The following ELMO1 variants were observed in gnomAD, a reference collection of about 807,000 sequenced individuals.
ELMO1 encodes the protein engulfment and cell motility protein 1.
Under a neutral mutation model 98.9 loss-of-function variants are expected in ELMO1, and 26 were observed. The observed-to-expected ratio is 0.26, with a 90% CI of 0.19 to 0.36. The LOEUF is 0.36. Ranked by LOEUF, ELMO1 falls within the 10% of genes least tolerant of loss-of-function variation. The probability of loss-of-function intolerance (pLI) is 1.00; values close to 1 mark genes in which losing one functional copy is unlikely to be tolerated. For synonymous variants in ELMO1, 346 were observed against 346.0 expected (o/e 1.00, Z 0.00); for missense variants, 627 against 935.2 (o/e 0.67, Z 4.30).
At chr7:36,918,660 C>T (rs1013686801) in intron 16 of ELMO1, among the ~76,000 whole-genome samples, 9 of 152,164 alleles carry the variant, frequency 5.9e-5, no homozygotes, top group Admixed American at 2.6e-4. Context: ...TCTGTCTGTC[C>T]GCTGTGCTCT....
chr7:37,174,791 C>G (rs758162824), intron 13 of ELMO1, among the ~76,000 whole-genome samples: 1 of 152,132 alleles, frequency 6.6e-6, no homozygotes, highest in African/African-American at 2.4e-5. Context: ...ACCCAGCTGT[C>G]CCACAATATA....
At chr7:37,076,759 G>T (rs1016827405) in intron 15 of ELMO1, among the ~76,000 whole-genome samples, 6 of 152,208 alleles carry the variant, frequency 3.9e-5, no homozygotes, top group African/African-American at 7.2e-5. Flanking sequence ...CCGACTGCCA[G>T]TGATGGTATC....
chr7:37,444,846 C>T (rs1205313322), intron 1 of ELMO1, among the ~76,000 whole-genome samples: 2 of 152,210 alleles, frequency 1.3e-5, no homozygotes, highest in African/African-American at 2.4e-5. Context: ...AAGTCAATAG[C>T]CGACAGAACT....
At chr7:36,895,860 G>A (rs986838646) in intron 16 of ELMO1, among the ~76,000 whole-genome samples, 9 of 152,180 alleles carry the variant, frequency 5.9e-5, no homozygotes, top group Non-Finnish European at 4.4e-5. Context: ...GTATCTATGT[G>A]CCAGATGCTG....
intron 16 of ELMO1, among the ~76,000 whole-genome samples, chr7:36,980,649 G>C (rs1173435072): frequency 1.3e-5 from 2 of 152,174 alleles, no homozygotes; most frequent in Admixed American, 6.5e-5. Context: ...AAATGAGCTA[G>C]CAAATTAGTA....
chr7:37,376,346 C>T (rs1054395279), intron 1 of ELMO1, among the ~76,000 whole-genome samples: 2 of 152,174 alleles, frequency 1.3e-5, no homozygotes, highest in South Asian at 2.1e-4. Flanking sequence ...GGCCTGAGTA[C>T]CTGCATAGGT....
At chr7:37,169,476 C>T (rs1789995635) in intron 13 of ELMO1, among the ~76,000 whole-genome samples, 1 of 152,164 alleles carries the variant, frequency 6.6e-6, no homozygotes, top group Non-Finnish European at 1.5e-5. Flanking sequence ...CCTATTCGGC[C>T]ATCTTGGCTC....
chr7:37,062,229 G>T (rs777825741), intron 15 of ELMO1, among the ~76,000 whole-genome samples: 1 of 152,212 alleles, frequency 6.6e-6, no homozygotes, highest in South Asian at 2.1e-4. Context: ...TATCTAACCT[G>T]ATAGGCCTTT....
intron 15 of ELMO1, among the ~76,000 whole-genome samples, chr7:37,081,660 C>A (rs143081167): frequency 4.6e-5 from 7 of 152,164 alleles, no homozygotes; most frequent in African/African-American, 1.7e-4. Context: ...CCAGGTAAGA[C>A]GTGCCTTTTG....
rs199515122 is a variant in ELMO1, at chr7:37,383,319, G to GA, written c.-73-40557dup. On this transcript the variant is annotated intron_variant, in intron 1 of 21. Transcript: ENST00000310758. ...GACGCTGACATTTTTTAAGAGTACA[G>GA]AAAAAATCACAAAAGTTTATCTAAC... Among the ~76,000 whole-genome samples, 1,167 of 152,224 alleles carry GA rather than the reference G, an allele frequency of 7.7e-3. 15 individuals are homozygous for GA. The highest frequency in any genetic ancestry group is 0.025 in the African/African-American group (1,054 of 41,536).
chr7:37,280,727 C>G (rs1216630772), intron 4 of ELMO1, among the ~76,000 whole-genome samples: 1 of 151,854 alleles, frequency 6.6e-6, no homozygotes, highest in East Asian at 1.9e-4. Flanking sequence ...ATGTGGTAAA[C>G]AGAGAACACT....
At chr7:37,039,457 A>C (rs1350140003) in intron 15 of ELMO1, among the ~76,000 whole-genome samples, 1 of 152,222 alleles carries the variant, frequency 6.6e-6, no homozygotes, top group Non-Finnish European at 1.5e-5. Context: ...CTTTCCCCAC[A>C]AAACTGGAGA....
At chr7:37,088,400 A>C (rs1284493866) in intron 15 of ELMO1, among the ~76,000 whole-genome samples, 1 of 152,220 alleles carries the variant, frequency 6.6e-6, no homozygotes, top group Admixed American at 6.5e-5. Context: ...AAATGCACAG[A>C]AACAGTTGGC....
intron 8 of ELMO1, among the ~76,000 whole-genome samples, chr7:37,231,259 T>G (rs1453411130): frequency 1.3e-5 from 2 of 151,468 alleles, no homozygotes; most frequent in East Asian, 3.9e-4. Flanking sequence ...CCTACCCCCC[T>G]CATTCAACCG....
chr7:36,897,630 G>A (rs977450968), intron 16 of ELMO1, among the ~76,000 whole-genome samples: 9 of 152,182 alleles, frequency 5.9e-5, no homozygotes, highest in African/African-American at 1.9e-4. Context: ...TTTAAAAATC[G>A]CCTGCATTTA....
intron 7 of ELMO1, among the ~76,000 whole-genome samples, chr7:37,241,743 A>C (rs901137538): frequency 1.3e-5 from 2 of 152,158 alleles, no homozygotes; most frequent in African/African-American, 4.8e-5. Context: ...AAGATTATAC[A>C]CTAGGAAGCT....
At chr7:37,106,637 G>T (rs754936318) in intron 14 of ELMO1, among the ~76,000 whole-genome samples, 18 of 151,980 alleles carry the variant, frequency 1.2e-4, no homozygotes, top group Non-Finnish European at 2.5e-4. Context: ...GGCTCAGGAT[G>T]ACAGTCCTAC....
intron 14 of ELMO1, among the ~76,000 whole-genome samples, chr7:37,126,116 G>A (rs2129292704): frequency 6.6e-6 from 1 of 151,888 alleles, no homozygotes; most frequent in East Asian, 1.9e-4. Flanking sequence ...TTGGACACAG[G>A]AAGGGGGACA....
intron 16 of ELMO1, among the ~76,000 whole-genome samples, chr7:36,947,811 C>T (rs963679435): frequency 6.6e-6 from 1 of 152,166 alleles, no homozygotes; most frequent in Non-Finnish European, 1.5e-5. Context: ...ACCCAAGAGG[C>T]CACTCCCTCT....
Sources: gnomAD v4.1 joint callset for allele counts (sites outside exome capture counted in the v4.1 genomes callset) on GRCh38, gnomAD v4.1.1 for gene constraint, MANE v1.5 for transcripts, NCBI Gene and HGNC (gene_info 2026-07-23, HGNC 2026-07-21) for gene names.